Variants in MROH1 observed in about 807,000 individuals in gnomAD.
MROH1 encodes maestro heat-like repeat-containing protein family member 1.
MROH1 carries 117 observed loss-of-function variants against 116.5 expected under a neutral mutation model. The ratio of observed to expected loss-of-function variants is 1.00; its 90% CI spans 0.86 to 1.17. The LOEUF (loss-of-function observed/expected upper bound fraction) is 1.17. MROH1 is among the 50% of genes most tolerant of loss of function. The pLI is 0.00. For synonymous variants in MROH1, 921 were observed against 583.9 expected (o/e 1.58, Z -8.32); for missense variants, 1,873 against 1,338.5 (o/e 1.40, Z -6.23).
In MROH1 at chr8:144,180,313, A is replaced by G. The variant is rs1475973231; in HGVS notation, c.436A>G (p.Thr146Ala). 2 of 1,602,340 alleles carry G rather than the reference A, an allele frequency of 1.2e-6. No individual in the cohort carries two copies. The highest frequency in any genetic ancestry group is 1.1e-5 in the South Asian group (1 of 90,834). ...CCTGCCACACTGCGCCGTGCTGCAC[A>G]CCCTCGCCAGCCTCTCGGTGGCCAA... ...GTLPHCAVLH[T>A]LASLSVANAF... The change falls in exon 6 of 44, where the codon ACC becomes GCC. Residue 146 changes from threonine to alanine, a missense_variant. Thr to Ala is a moderately conservative substitution (Grantham distance 58). Coordinates refer to ENST00000326134, the MANE Select transcript of MROH1 (RefSeq NM_032450.3). The surrounding 1 kb of genome is among the most constrained non-coding windows in gnomAD (Gnocchi z 7.4).
At chr8:144,189,302 T>C (rs1827968568) in intron 7 of MROH1, among the ~76,000 whole-genome samples, 1 of 152,148 alleles carries the variant, frequency 6.6e-6, no homozygotes, top group Non-Finnish European at 1.5e-5. Context: ...AAGCTCATGG[T>C]CCCTTTGTGT....
intron 14 of MROH1, among the ~76,000 whole-genome samples, chr8:144,229,042 A>G (rs1337909344): frequency 6.6e-6 from 1 of 152,188 alleles, no homozygotes; most frequent in Non-Finnish European, 1.5e-5. Context: ...TCCAAAAGAA[A>G]CACTACCTCA....
intron 19 of MROH1, 127 bp from the exon 20 acceptor site, chr8:144,240,443 G>A (rs1201140086): frequency 1.0e-5 from 7 of 695,174 alleles, no homozygotes; most frequent in Middle Eastern, 3.6e-4. Flanking sequence ...TGGCTCTGCC[G>A]CCCCCGGCCT....
intron 33 of MROH1, chr8:144,251,553 A>T (rs1281631296): frequency 6.6e-6 from 1 of 152,224 alleles, no homozygotes; most frequent in East Asian, 1.9e-4. Context: ...TCCTCACTGA[A>T]GTCCAGCATG....
At chr8:144,261,423 T>C in intron 43 of MROH1, 74 bp downstream of exon 43, 2 of 700,226 alleles carry the variant, frequency 2.9e-6, no homozygotes, top group Non-Finnish European at 5.2e-6. Context: ...CTAAGTGATT[T>C]TCCTGGATTT....
Position 144,180,921 on chromosome 8 carries a change from G to A in MROH1, c.562+398G>A, listed in dbSNP as rs1336850972. Among the ~76,000 whole-genome samples, 1 of 152,118 alleles carries A rather than the reference G, an allele frequency of 6.6e-6. No homozygotes were observed. The highest frequency in any genetic ancestry group is 6.5e-5 in the Admixed American group (1 of 15,272). Reference sequence around the variant, plus strand: ...TTCATTCACCCCCACCCTCTGCCAGGAGCCCCATTCCTGGCAGCACTGCCC... The same window carrying A: ...TTCATTCACCCCCACCCTCTGCCAGAAGCCCCATTCCTGGCAGCACTGCCC... On this transcript the variant is annotated intron_variant, in intron 7 of 43. Coordinates refer to ENST00000326134, the MANE Select transcript of MROH1 (RefSeq NM_032450.3). The surrounding 1 kb of genome is among the most constrained non-coding windows in gnomAD (Gnocchi z 7.4).
chr8:144,225,195 A>AC (rs1837568028), intron 14 of MROH1, among the ~76,000 whole-genome samples: 1 of 151,814 alleles, frequency 6.6e-6, no homozygotes, highest in African/African-American at 2.4e-5. Flanking sequence ...TGCGCCAGCC[A>AC]CCATGGGTGG....
rs1845143189 is a variant in MROH1, at chr8:144,261,844, G to A, written c.*104G>A. The A allele has an allele frequency of 7.2e-6, 5 of 696,358 alleles. No individual in the cohort carries two copies. The highest frequency in any genetic ancestry group is 2.7e-5 in the East Asian group (1 of 37,226). The allele number at this position is 696,358 out of a possible 1,614,324, so 43.1% of individuals were successfully genotyped here. ...ACAGCCTGGGCACACGACTGGAGGGGCCTGGCCCCAGAACAGGCACTGCTG... is the reference window on the plus strand; with the variant it reads ...ACAGCCTGGGCACACGACTGGAGGGACCTGGCCCCAGAACAGGCACTGCTG... On this transcript the variant is annotated 3_prime_UTR_variant, in exon 44 of 44. Coordinates refer to ENST00000326134, the MANE Select transcript of MROH1 (RefSeq NM_032450.3).
At chr8:144,221,329 C>G (rs9650466) in intron 13 of MROH1, among the ~76,000 whole-genome samples, 1 of 151,986 alleles carries the variant, frequency 6.6e-6, no homozygotes, top group Admixed American at 6.6e-5. Flanking sequence ...ACATTCTTAC[C>G]AGGCCAGATG....
rs1844968262 is a variant in MROH1, at chr8:144,261,140, C to T, written c.4698C>T (p.Gly1566=). The T allele has an allele frequency of 2.6e-6, 2 of 773,542 alleles. No individual in the cohort carries two copies. Among genetic ancestry groups the T allele is most frequent in the Non-Finnish European group, 4.8e-6 (2 of 417,662 alleles). The allele number at this position is 773,542 out of a possible 1,614,324, so 47.9% of individuals were successfully genotyped here. ...TGCACCATTTCCCAGACCTGCTGGG[C>T]CGTCTCCTGACCACCTGCCTGTTCT... The part of the protein sequence containing the change: ...HLMHHFPDLL[G]RLLTTCLFYF... Residue 1566 remains glycine (G), a synonymous_variant, in exon 42 of 44, where the codon GGC becomes GGT. Transcript: ENST00000326134.
chr8:144,199,340 C>G (rs1564456539), intron 11 of MROH1, 140 bp downstream of exon 11: 1 of 843,898 alleles, frequency 1.2e-6, no homozygotes, highest in Non-Finnish European at 1.9e-6. Context: ...CTGGGCCTAC[C>G]TGTGGCTCCA....
chr8:144,194,395 C>A (rs1829345787), intron 10 of MROH1, among the ~76,000 whole-genome samples: 1 of 152,172 alleles, frequency 6.6e-6, no homozygotes, highest in African/African-American at 2.4e-5. Context: ...TGGAAAGGAA[C>A]TTCCCTAAGT....
intron 14 of MROH1, among the ~76,000 whole-genome samples, chr8:144,225,376 C>A (rs535773362): frequency 3.3e-5 from 5 of 152,136 alleles, no homozygotes; most frequent in Admixed American, 3.3e-4. Flanking sequence ...CCTGTGTTAC[C>A]CAGGCTGATC....
At chr8:144,176,187 C>T (rs905548034) in intron 4 of MROH1, among the ~76,000 whole-genome samples, 4 of 151,570 alleles carry the variant, frequency 2.6e-5, no homozygotes, top group African/African-American at 9.7e-5. Context: ...GCCAACGTGG[C>T]GAAACCTCAT....
In MROH1 at chr8:144,261,639, C is replaced by T; in HGVS notation, c.4841-16C>T. 3 of 708,504 alleles carry T rather than the reference C, an allele frequency of 4.2e-6. No individual in the cohort carries two copies. The highest frequency in any genetic ancestry group is 5.1e-6 in the Non-Finnish European group (2 of 388,970). The allele number at this position is 708,504 out of a possible 1,614,324, so 43.9% of individuals were successfully genotyped here. A position where few individuals can be genotyped will look rare whatever the true frequency, so the allele number is the denominator to read the frequency against. The stretch of plus-strand genomic sequence containing the variant: ...GAGGTCACAGCCCGCAGGCAGCCCC[C>T]CTCCTCTACCCCCAGCGCTCCAGAT... On this transcript the variant is annotated splice_polypyrimidine_tract_variant and intron_variant, in intron 43 of 43. Transcript: ENST00000326134.
rs778741853 is a variant in MROH1 at position 144,180,339 on chromosome 8, C to T, written c.462C>T (p.Asn154=). ...CCCTCGCCAGCCTCTCGGTGGCCAA[C>T]GGTAGGTGACGCGCGGCCTGCCCCA... The part of the protein sequence containing the change: ...LHTLASLSVA[N]AFGVVPFLPS... The change falls in exon 6 of 44, where the codon AAC becomes AAT. Residue 154 remains asparagine, a splice_region_variant and synonymous_variant. Coordinates refer to ENST00000326134, the MANE Select transcript of MROH1 (RefSeq NM_032450.3). This position sits in a 1 kb window ranked among gnomAD's most constrained non-coding sequence, Gnocchi z 7.4. 43 of 1,606,216 alleles carry T rather than the reference C, an allele frequency of 2.7e-5. 1 individual carries two copies. Among genetic ancestry groups the T allele is most frequent in the South Asian group, 1.1e-4 (10 of 90,932 alleles).
At chr8:144,185,077 G>A (rs576346788) in intron 7 of MROH1, among the ~76,000 whole-genome samples, 129 of 152,320 alleles carry the variant, frequency 8.5e-4, no homozygotes, top group African/African-American at 2.7e-3. Context: ...TTTCTCTGTC[G>A]GGGAGGGAAG....
rs1284007524 is a variant in MROH1 at position 144,261,176 on chromosome 8, C to A, written c.4734C>A (p.Ser1578Arg). ...LLTTCLFYFKSSWENVRAAAP... is the reference protein window; with the variant it reads ...LLTTCLFYFKRSWENVRAAAP... The stretch of plus-strand genomic sequence containing the variant: ...CCACCTGCCTGTTCTACTTCAAGAG[C>A]AGCTGGGAGAACGTCCGAGCTGCTG... The change falls in exon 42 of 44, where the codon AGC becomes AGA. Residue 1578 changes from serine (S) to arginine (R), a missense_variant. Coordinates refer to ENST00000326134, the MANE Select transcript of MROH1 (RefSeq NM_032450.3). 2 of 769,836 alleles carry A rather than the reference C, an allele frequency of 2.6e-6. No homozygotes were observed. The highest frequency in any genetic ancestry group is 4.8e-6 in the Non-Finnish European group (2 of 417,640). The allele number at this position is 769,836 out of a possible 1,614,324, so 47.7% of individuals were successfully genotyped here.
chr8:144,164,898 C>T (rs1213141489), intron 3 of MROH1, among the ~76,000 whole-genome samples: 1 of 152,198 alleles, frequency 6.6e-6, no homozygotes, highest in Admixed American at 6.5e-5. Context: ...TCTGTGAGGG[C>T]TGTTTTCTGA....
Sources: allele counts gnomAD v4.1 joint callset (sites outside exome capture counted in the v4.1 genomes callset), GRCh38; gene constraint gnomAD v4.1.1; non-coding constraint Gnocchi (gnomAD v3.1); transcripts MANE v1.5; gene names NCBI Gene and HGNC (gene_info 2026-07-23, HGNC 2026-07-21).